The following ZNF675 variants were observed in gnomAD, a reference collection of about 807,000 sequenced individuals.
ZNF675 encodes the protein zinc finger protein 675.
In ZNF675, 36 loss-of-function variants were observed where a neutral mutation model predicts 56.1. That is an observed-to-expected ratio of 0.64 (90% confidence interval 0.49 to 0.85). The LOEUF (loss-of-function observed/expected upper bound fraction) is 0.85, where lower values mean the gene tolerates loss of function less well. Among genes scored for constraint, ZNF675 ranks in the 40% least tolerant of loss-of-function variants. The pLI is 0.00. For synonymous variants in ZNF675, 200 were observed against 218.9 expected (o/e 0.91, Z 0.76); for missense variants, 663 against 654.2 (o/e 1.01, Z -0.15).
At chr19:23,672,907 G>A (rs935020037) in intron 1 of ZNF675, among the ~76,000 whole-genome samples, 3 of 152,092 alleles carry the variant, frequency 2.0e-5, no homozygotes, top group Non-Finnish European at 4.4e-5. Flanking sequence ...GTACAAACTT[G>A]TTTGTCAGAA....
At chr19:23,659,870 C>T (rs967830768) in intron 3 of ZNF675, among the ~76,000 whole-genome samples, 4 of 152,108 alleles carry the variant, frequency 2.6e-5, no homozygotes, top group African/African-American at 7.2e-5. Flanking sequence ...TTACTGTGGT[C>T]CTTGAAGCAG....
Position 23,654,486 on chromosome 19 carries a change from ATATT to A in ZNF675, c.443_446del (p.Lys148MetfsTer2). Reference sequence around the variant, plus strand: ...GTGAAAATTTATTAAAGACTTTCACATATTTATCACATTGAAACATTTTGCTCTG... The same window carrying A: ...GTGAAAATTTATTAAAGACTTTCACATATCACATTGAAACATTTTGCTCTG... On this transcript the variant is annotated frameshift_variant, in exon 4 of 4. Transcript: ENST00000359788. LOFTEE classifies it high-confidence loss of function. 2.5e-6 allele frequency: 4 copies of A among 1,602,980 alleles called. No individual in the cohort carries two copies. Among genetic ancestry groups the A allele is most frequent in the Non-Finnish European group, 3.4e-6 (4 of 1,175,402 alleles).
chr19:23,671,205 A>G (rs1000865521), intron 1 of ZNF675, among the ~76,000 whole-genome samples: 2 of 152,196 alleles, frequency 1.3e-5, no homozygotes, highest in Non-Finnish European at 2.9e-5. Context: ...TTATTAGCCA[A>G]TCTGCCCCTG....
At chr19:23,664,918 T>C (rs1043256372) in intron 1 of ZNF675, among the ~76,000 whole-genome samples, 35 of 152,080 alleles carry the variant, frequency 2.3e-4, no homozygotes, top group Non-Finnish European at 4.4e-4. Flanking sequence ...ACCACTGTAC[T>C]CCAGCCTGAG....
At chr19:23,660,764 A>AATT (rs1968065172) in intron 3 of ZNF675, among the ~76,000 whole-genome samples, 1 of 152,282 alleles carries the variant, frequency 6.6e-6, no homozygotes, top group South Asian at 2.1e-4. Context: ...GTTATCCAAA[A>AATT]TGATCTATAG....
chr19:23,675,974 A>G (rs200926233), intron 1 of ZNF675, among the ~76,000 whole-genome samples: 1 of 85,858 alleles, frequency 1.2e-5, no homozygotes, highest in Non-Finnish European at 2.4e-5. Flanking sequence ...TGAAAAAAAG[A>G]GAAGATCCAA....
chr19:23,686,982 TC>T lies in ZNF675; in HGVS notation c.3+48del, dbSNP rs747823668. The T allele has an allele frequency of 6.2e-6, 10 of 1,612,486 alleles. No individual in the cohort carries two copies. In the East Asian group the frequency reaches 2.2e-4, roughly 36 times the overall value. ...CCCGCCATAGCCATTTCCCACGGGT[TC>T]CAACCAGCCCCTTCCCCCTCTCGGG... On this transcript the variant is annotated intron_variant, in intron 1 of 3. Coordinates refer to ENST00000359788, the MANE Select transcript of ZNF675 (RefSeq NM_138330.3).
Position 23,654,154 on chromosome 19 carries a change from TCTTCA to T in ZNF675, c.774_778del (p.Cys258Ter). The T allele has an allele frequency of 6.2e-7, 1 of 1,614,086 alleles. No individual in the cohort carries two copies. Among genetic ancestry groups the T allele is most frequent in the Non-Finnish European group, 8.5e-7 (1 of 1,180,000 alleles). ...GGACTGGTTAAAGGCTTTGCCACATTCTTCACATTTGTATGGTTTCTCTCGAGCAT... is the reference window on the plus strand; with the variant it reads ...GGACTGGTTAAAGGCTTTGCCACATTCATTTGTATGGTTTCTCTCGAGCAT... On this transcript the variant is annotated stop_gained and frameshift_variant, in exon 4 of 4. Transcript: ENST00000359788. LOFTEE classifies it high-confidence loss of function.
chr19:23,675,376 T>G (rs1017757023), intron 1 of ZNF675, among the ~76,000 whole-genome samples: 1 of 150,934 alleles, frequency 6.6e-6, no homozygotes, highest in African/African-American at 2.5e-5. Context: ...TCTATAGAAC[T>G]CTCCATCTAA....
chr19:23,667,428 C>T (rs1213372552), intron 1 of ZNF675, among the ~76,000 whole-genome samples: 1 of 152,156 alleles, frequency 6.6e-6, no homozygotes, highest in African/African-American at 2.4e-5. Flanking sequence ...CCACCCACAT[C>T]CTGCTGATTG....
intron 1 of ZNF675, among the ~76,000 whole-genome samples, chr19:23,669,312 G>C (rs1203399500): frequency 1.3e-4 from 1 of 7,980 alleles, no homozygotes; most frequent in Non-Finnish European, 0.015. Context: ...AGTTCGCCCA[G>C]GGTGAATCAC....
At chr19:23,676,095 T>A (rs2364619) in intron 1 of ZNF675, among the ~76,000 whole-genome samples, 147,067 of 151,490 alleles carry the variant, frequency 0.97, 71,680 homozygotes, top group Middle Eastern at 1. Flanking sequence ...AGTAACTAAA[T>A]AATCTAGAAG....
At chr19:23,679,764 G>T (rs141403062) in intron 1 of ZNF675, among the ~76,000 whole-genome samples, 1 of 151,480 alleles carries the variant, frequency 6.6e-6, no homozygotes, top group East Asian at 1.9e-4. Context: ...GCAGAGGCAG[G>T]TGGATCACCT....
chr19:23,676,334 T>C (rs1019363712), intron 1 of ZNF675, among the ~76,000 whole-genome samples: 1 of 151,558 alleles, frequency 6.6e-6, no homozygotes, highest in Non-Finnish European at 1.5e-5. Flanking sequence ...AAAGGACTTC[T>C]CCCCAAGTTA....
At chr19:23,673,383 A>C (rs1968250240) in intron 1 of ZNF675, among the ~76,000 whole-genome samples, 1 of 152,210 alleles carries the variant, frequency 6.6e-6, no homozygotes, top group South Asian at 2.1e-4. Context: ...CTGAAGATAC[A>C]AGAGTAATTG....
Position 23,654,092 on chromosome 19 carries a change from C to T in ZNF675, c.841G>A (p.Glu281Lys). Residue 281 changes from glutamate to lysine, a missense_variant, in exon 4 of 4, where the codon GAG becomes AAG. Glu to Lys is a moderately conservative substitution (Grantham distance 56). Around this residue, in one of 3 missense-constraint regions of ZNF675, gnomAD observed 617 missense variants for 590.5 expected, o/e 1.04. Coordinates refer to ENST00000359788, the MANE Select transcript of ZNF675 (RefSeq NM_138330.3). ...CATTCTTCACATTTGTAGGGTTTCT[C>T]TCCTGTATGAATTATCTTATGTGTA... ...LTTHKIIHTG[E>K]KPYKCEECGK... 1.2e-6 allele frequency: 2 copies of T among 1,613,822 alleles called. No individual in the cohort carries two copies. Among genetic ancestry groups the T allele is most frequent in the South Asian group, 2.2e-5 (2 of 91,080 alleles).
Position 23,654,207 on chromosome 19 carries a change from G to A in ZNF675, c.726C>T (p.Asn242=). 6.2e-7 allele frequency: 1 copy of A among 1,614,000 alleles called. No individual in the cohort carries two copies. Among genetic ancestry groups the A allele is most frequent in the Non-Finnish European group, 8.5e-7 (1 of 1,179,958 alleles). The change falls in exon 4 of 4, where the codon AAC becomes AAT. Residue 242 remains asparagine, a synonymous_variant. Coordinates refer to ENST00000359788, the MANE Select transcript of ZNF675 (RefSeq NM_138330.3). ...CATAATCTTTTTTATATTCAGTAAG[G>A]TTTGAGAATTGGTTAAAAGTTCTGT... The part of the protein sequence containing the change: ...ECDRTFNQFS[N]LTEYKKDYAR...
At chr19:23,667,173 A>C (rs940963443) in intron 1 of ZNF675, among the ~76,000 whole-genome samples, 1 of 151,384 alleles carries the variant, frequency 6.6e-6, no homozygotes, top group Non-Finnish European at 1.5e-5. Flanking sequence ...TACAGCTCTT[A>C]AGGCAGTGCA....
intron 1 of ZNF675, 143 bp downstream of exon 1, chr19:23,686,888 G>A (rs1341764231): frequency 3.0e-6 from 3 of 1,004,120 alleles, no homozygotes; most frequent in Non-Finnish European, 4.7e-6. Context: ...GGCTGCAGGG[G>A]ACTGAGCCGA....
Sources: gnomAD v4.1 joint callset for allele counts (sites outside exome capture counted in the v4.1 genomes callset) on GRCh38, gnomAD v4.1.1 for gene constraint, gnomAD v4.1.1 regional missense constraint, MANE v1.5 for transcripts, NCBI Gene and HGNC (gene_info 2026-07-23, HGNC 2026-07-21) for gene names.